Variants in LFNG observed in about 807,000 individuals in gnomAD.
The protein encoded by LFNG is LFNG O-fucosylpeptide 3-beta-N-acetylglucosaminyltransferase, also known as beta-1,3-N-acetylglucosaminyltransferase lunatic fringe.
In LFNG, 15 loss-of-function variants were observed where a neutral mutation model predicts 32.7. That is an observed-to-expected ratio of 0.46 (90% CI 0.31 to 0.71). The LOEUF (loss-of-function observed/expected upper bound fraction) is 0.71. Among genes scored for constraint, LFNG ranks in the 30% least tolerant of loss-of-function variants. The pLI, the probability that LFNG is intolerant of heterozygous loss-of-function variation, is 0.06. For synonymous variants in LFNG, 274 were observed against 246.8 expected (o/e 1.11, Z -1.03); for missense variants, 520 against 545.7 (o/e 0.95, Z 0.47).
In LFNG at chr7:2,525,301, C is replaced by T. The variant is rs104894024; in HGVS notation, c.564C>T (p.Phe188=). Residue 188 remains phenylalanine, a synonymous_variant, in exon 3 of 8, where the codon TTC becomes TTT. Coordinates refer to ENST00000222725, the MANE Select transcript of LFNG (RefSeq NM_001040167.2). ...AGATGGCCGTGGAGTATGACCGCTTCATCGAGTCCGGCAGGAAGTGAGTGT... is the reference window on the plus strand; with the variant it reads ...AGATGGCCGTGGAGTATGACCGCTTTATCGAGTCCGGCAGGAAGTGAGTGT... ...SCKMAVEYDR[F]IESGRKWFCH... 1.2e-6 allele frequency: 2 copies of T among 1,612,902 alleles called. No homozygotes were observed. Among genetic ancestry groups the T allele is most frequent in the Non-Finnish European group, 1.7e-6 (2 of 1,179,880 alleles).
Position 2,520,395 on chromosome 7 carries a change from C to G in LFNG, c.432+102C>G. ...CATGGGAGTCAGGCTGCATCCCCAT[C>G]CAGCCACTAGGGCCATCTGTGGGCG... On this transcript the variant is annotated intron_variant, in intron 1 of 7. Coordinates refer to ENST00000222725, the MANE Select transcript of LFNG (RefSeq NM_001040167.2). This position sits in a 1 kb window ranked among gnomAD's most constrained non-coding sequence, Gnocchi z 5.0. 2 of 1,100,340 alleles carry G rather than the reference C, an allele frequency of 1.8e-6. No homozygotes were observed. The highest frequency in any genetic ancestry group is 2.9e-5 in the South Asian group (2 of 68,304). 68.2% of individuals were successfully genotyped at this position (1,100,340 alleles called of 1,614,324 possible).
chr7:2,519,433 C>T (rs1779712925), upstream of LFNG, among the ~76,000 whole-genome samples: 2 of 152,030 alleles, frequency 1.3e-5, no homozygotes, highest in African/African-American at 4.8e-5. Flanking sequence ...AGGGCGCGCC[C>T]CTCCCGTGCC....
chr7:2,522,235 G>A lies in LFNG; in HGVS notation c.432+1942G>A, dbSNP rs142963998. ...GGAGGGAAGACTTCCTGGAGGAGGC[G>A]CCATTTGAGCTAGACTAAGAGTAAA... On this transcript the variant is annotated intron_variant, in intron 1 of 7. Transcript: ENST00000222725. Among the ~76,000 whole-genome samples, 1,310 of 152,306 alleles carry A rather than the reference G, an allele frequency of 8.6e-3. 21 individuals are homozygous for A. Among genetic ancestry groups the A allele is most frequent in the African/African-American group, 0.03 (1,252 of 41,556 alleles).
chr7:2,516,873 A>G (rs909592627), upstream of LFNG, among the ~76,000 whole-genome samples: 1 of 152,126 alleles, frequency 6.6e-6, no homozygotes, highest in African/African-American at 2.4e-5. Flanking sequence ...AGGGAGTAAC[A>G]CCACCGGTTC....
chr7:2,519,542 C>G (rs1045613345), upstream of LFNG, among the ~76,000 whole-genome samples: 143 of 151,458 alleles, frequency 9.4e-4, no homozygotes, highest in Middle Eastern at 3.4e-3. Context: ...CCTCGGCGGC[C>G]CGCAGGGGCT....
upstream of LFNG, among the ~76,000 whole-genome samples, chr7:2,515,016 GTCTATCCATCCATCCATCCATCCATCCA>G (rs1243376914): frequency 3.2e-3 from 416 of 129,146 alleles, no homozygotes; most frequent in African/African-American, 0.012. Context: ...CCATTCATCT[GTCTATCCATCCATCCATCCATCCATCCA>G]TCTGTCCATC....
Position 2,527,617 on chromosome 7 carries a change from G to A in LFNG, c.*405G>A. On this transcript the variant is annotated 3_prime_UTR_variant, in exon 8 of 8. Transcript: ENST00000222725. The surrounding 1 kb of genome is among the most constrained non-coding windows in gnomAD (Gnocchi z 4.4). Reference sequence around the variant, plus strand: ...TCCTGCTGACCACAAGCTCTGTGCTGGGGGTACCTGTGCCCTGAAGTCCTG... The same window carrying A: ...TCCTGCTGACCACAAGCTCTGTGCTAGGGGTACCTGTGCCCTGAAGTCCTG... 1 of 1,175,054 alleles carries A rather than the reference G, an allele frequency of 8.5e-7. No homozygotes were observed. Among genetic ancestry groups the A allele is most frequent in the Non-Finnish European group, 1.1e-6 (1 of 937,580 alleles). The allele number at this position is 1,175,054 out of a possible 1,614,324, so 72.8% of individuals were successfully genotyped here.
Position 2,527,044 on chromosome 7 carries a change from C to G in LFNG, c.1074-102C>G. 1 of 1,432,494 alleles carries G rather than the reference C, an allele frequency of 7.0e-7. No individual in the cohort carries two copies. Among genetic ancestry groups the G allele is most frequent in the Non-Finnish European group, 9.8e-7 (1 of 1,025,562 alleles). 88.7% of individuals were successfully genotyped at this position (1,432,494 alleles called of 1,614,324 possible). A position where few individuals can be genotyped will look rare whatever the true frequency, so the allele number is the denominator to read the frequency against. On this transcript the variant is annotated intron_variant, in intron 7 of 7. Transcript: ENST00000222725. The surrounding 1 kb of genome is among the most constrained non-coding windows in gnomAD (Gnocchi z 4.4). ...TCTACATAGAGGTGTCCCCCGGAGT[C>G]CTGCTTGCTCGGGGTGGGGCCGCCA...
upstream of LFNG, among the ~76,000 whole-genome samples, chr7:2,515,652 G>A (rs1378590153): frequency 6.6e-6 from 1 of 152,266 alleles, no homozygotes; most frequent in Non-Finnish European, 1.5e-5. Context: ...CGGCTGCAGA[G>A]CACCAACCCC....
In LFNG at chr7:2,526,214, C is replaced by G. The variant is rs756356370; in HGVS notation, c.822-30C>G. 6.8e-6 allele frequency: 11 copies of G among 1,611,470 alleles called. No individual in the cohort carries two copies. Among genetic ancestry groups the G allele is most frequent in the Non-Finnish European group, 9.3e-6 (11 of 1,179,762 alleles). ...TCCCAGCAGATGGCTCCCGCCTCTG[C>G]TCACTGGTCTGGGCCCTTCCCTCCC... On this transcript the variant is annotated intron_variant, in intron 5 of 7. Coordinates refer to ENST00000222725, the MANE Select transcript of LFNG (RefSeq NM_001040167.2). This position sits in a 1 kb window ranked among gnomAD's most constrained non-coding sequence, Gnocchi z 6.9.
chr7:2,520,735 G>A lies in LFNG; in HGVS notation c.432+442G>A, dbSNP rs2128375378. On this transcript the variant is annotated intron_variant, in intron 1 of 7. Coordinates refer to ENST00000222725, the MANE Select transcript of LFNG (RefSeq NM_001040167.2). The surrounding 1 kb of genome is among the most constrained non-coding windows in gnomAD (Gnocchi z 5.0). ...AGAAGTGAGGGGTTCTGACCTCTGG[G>A]CCCTTTCCTCATCACAGTGTTAAGG... Among the ~76,000 whole-genome samples, 2 of 152,344 alleles carry A rather than the reference G, an allele frequency of 1.3e-5. No homozygotes were observed. The highest frequency in any genetic ancestry group is 4.1e-4 in the South Asian group (2 of 4,832).
chr7:2,520,351 C>G lies in LFNG; in HGVS notation c.432+58C>G, dbSNP rs1238453455. On this transcript the variant is annotated intron_variant, in intron 1 of 7. Coordinates refer to ENST00000222725, the MANE Select transcript of LFNG (RefSeq NM_001040167.2). The surrounding 1 kb of genome is among the most constrained non-coding windows in gnomAD (Gnocchi z 5.0). ...GCGGGGCGGGGACCCACCATCTGGT[C>G]CAGCTGGTGGCAGTGTCCCATGGGA... The G allele has an allele frequency of 5.3e-6, 8 of 1,495,844 alleles. No individual in the cohort carries two copies. Among genetic ancestry groups the G allele is most frequent in the African/African-American group, 1.4e-5 (1 of 70,926 alleles). The allele number at this position is 1,495,844 out of a possible 1,614,324, so 92.7% of individuals were successfully genotyped here.
Position 2,526,799 on chromosome 7 carries a change from G to T in LFNG, c.988-37G>T. The T allele has an allele frequency of 6.3e-7, 1 of 1,599,338 alleles. No homozygotes were observed. The highest frequency in any genetic ancestry group is 1.3e-5 in the African/African-American group (1 of 74,714). ...GCCTGGGGCGGGGCCCAGGGATGTCGGGCCCCTCCCGGCATCACTCCGCCC... is the reference window on the plus strand; with the variant it reads ...GCCTGGGGCGGGGCCCAGGGATGTCTGGCCCCTCCCGGCATCACTCCGCCC... On this transcript the variant is annotated intron_variant, in intron 6 of 7. Transcript: ENST00000222725. The surrounding 1 kb of genome is among the most constrained non-coding windows in gnomAD (Gnocchi z 6.9).
At chr7:2,519,745 T>G, upstream of LFNG, 1 of 540,350 alleles carries the variant, frequency 1.9e-6, no homozygotes, top group Non-Finnish European at 2.4e-6. Flanking sequence ...GCGGGGAGGT[T>G]TAAGAGCGCG....
rs1779735301 is a variant in LFNG at position 2,519,903 on chromosome 7, G to A, written c.42G>A (p.Ala14=). 3 of 1,097,966 alleles carry A rather than the reference G, an allele frequency of 2.7e-6. No individual in the cohort carries two copies. The highest frequency in any genetic ancestry group is 3.3e-6 in the Non-Finnish European group (3 of 897,620). The allele number at this position is 1,097,966 out of a possible 1,614,324, so 68.0% of individuals were successfully genotyped here. Residue 14 remains alanine (A), a synonymous_variant, in exon 1 of 8, where the codon GCG becomes GCA. Transcript: ENST00000222725. ...RCGRRLLLAL[A]GALLACLLVL... is the part of the protein sequence containing the mutation. ...GCCGGCGCCTGCTGCTGGCGCTGGC[G>A]GGCGCGCTGCTCGCCTGCCTGCTGG...
At chr7:2,512,566 G>T in exon 1 of LFNG, 1 of 1,138,732 alleles carries the variant, frequency 8.8e-7, no homozygotes. Context: ...TCCCAAGGAA[G>T]GGAGGAGGGA....
upstream of LFNG, among the ~76,000 whole-genome samples, chr7:2,515,019 T>TATCCATCCATCCATCCATCC (rs148072518): frequency 5.5e-5 from 7 of 126,148 alleles, no homozygotes; most frequent in Non-Finnish European, 1.2e-4. Context: ...TTCATCTGTC[T>TATCCATCCATCCATCCATCC]ATCCATCCAT....
chr7:2,517,739 G>A (rs902467987), upstream of LFNG: 3 of 552,092 alleles, frequency 5.4e-6, no homozygotes, highest in South Asian at 4.5e-5. Context: ...ACATATTTGG[G>A]GGCTTGGCCA....
rs1048890381 is a variant in LFNG, at chr7:2,527,793, C to T, written c.*581C>T. ...CAGCCACCGCCCAGTTCCAGTGGCCCCACGAAGCCCCCAGTGGCTGGCTGT... is the reference window on the plus strand; with the variant it reads ...CAGCCACCGCCCAGTTCCAGTGGCCTCACGAAGCCCCCAGTGGCTGGCTGT... On this transcript the variant is annotated 3_prime_UTR_variant, in exon 8 of 8. Transcript: ENST00000222725. This position sits in a 1 kb window ranked among gnomAD's most constrained non-coding sequence, Gnocchi z 4.4. 2.0e-6 allele frequency: 2 copies of T among 1,003,538 alleles called. No individual in the cohort carries two copies. Among genetic ancestry groups the T allele is most frequent in the Non-Finnish European group, 2.4e-6 (2 of 839,372 alleles). 62.2% of individuals were successfully genotyped at this position (1,003,538 alleles called of 1,614,324 possible).
Sources: gnomAD v4.1 joint callset for allele counts (sites outside exome capture counted in the v4.1 genomes callset) on GRCh38, gnomAD v4.1.1 for gene constraint, Gnocchi (gnomAD v3.1) non-coding constraint, MANE v1.5 for transcripts, NCBI Gene and HGNC (gene_info 2026-07-23, HGNC 2026-07-21) for gene names.